The following PML variants were observed in gnomAD, a reference collection of about 807,000 sequenced individuals.
PML encodes the protein PML nuclear body scaffold.
A neutral mutation model predicts 65.2 loss-of-function variants in PML; 28 were observed. That is an observed-to-expected ratio of 0.43 (90% CI 0.32 to 0.59). The LOEUF (loss-of-function observed/expected upper bound fraction) is 0.59. Ranked by LOEUF, PML falls within the 20% of genes least tolerant of loss-of-function variation. The pLI, the probability that PML is intolerant of heterozygous loss-of-function variation, is 0.08. For missense variants in PML, 1,021 were observed against 1,203.4 expected (o/e 0.85, Z 2.24); for synonymous variants, 500 against 508.8 (o/e 0.98, Z 0.23).
chr15:74,044,106 A>G, intron 8 of PML, 115 bp from the exon 9 acceptor site: 1 of 976,628 alleles, frequency 1.0e-6, no homozygotes, highest in Non-Finnish European at 1.6e-6. Flanking sequence ...TACTGCCAGC[A>G]GACCCCAAGG....
At chr15:74,022,467 G>T (rs2070884010) in intron 2 of PML, among the ~76,000 whole-genome samples, 1 of 152,200 alleles carries the variant, frequency 6.6e-6, no homozygotes, top group African/African-American at 2.4e-5. Flanking sequence ...TCTGGCATTT[G>T]TGTAAGGCGG....
At chr15:74,022,717 A>T in intron 2 of PML, 111 bp from the exon 3 acceptor site, 1 of 887,498 alleles carries the variant, frequency 1.1e-6, no homozygotes, top group Non-Finnish European at 1.8e-6. Context: ...AAACCTAGAA[A>T]CATGCCATGA....
intron 4 of PML, chr15:74,031,397 C>G (rs1435313142): frequency 6.4e-6 from 2 of 310,700 alleles, no homozygotes; most frequent in African/African-American, 4.3e-5. Context: ...CCTCAGCCTC[C>G]CAAGTAGCTG....
intron 2 of PML, among the ~76,000 whole-genome samples, chr15:74,021,357 C>T (rs913347397): frequency 2.6e-5 from 4 of 152,140 alleles, no homozygotes; most frequent in Admixed American, 1.3e-4. Flanking sequence ...GAGGCTGGGG[C>T]GGGTGGATCA....
chr15:74,006,226 A>G (rs1240830057), intron 2 of PML, among the ~76,000 whole-genome samples: 1 of 152,006 alleles, frequency 6.6e-6, no homozygotes, highest in Non-Finnish European at 1.5e-5. Context: ...CCCCATCTCT[A>G]CCAAAAATAT....
intron 1 of PML, among the ~76,000 whole-genome samples, chr15:73,997,536 GTGTTGCTGTGGACAT>G (rs1737482391): frequency 6.6e-6 from 1 of 152,148 alleles, no homozygotes; most frequent in Non-Finnish European, 1.5e-5. Context: ...ATTGTGAATA[GTGTTGCTGTGGACAT>G]TGTTGTACAA....
chr15:74,033,664 C>T, intron 6 of PML: 1 of 666,002 alleles, frequency 1.5e-6, no homozygotes. Context: ...GTCCTTTCTC[C>T]CAAACACTAC....
In PML at chr15:74,043,076, C is replaced by G; in HGVS notation, c.1798C>G (p.Leu600Val). 1 of 1,613,456 alleles carries G rather than the reference C, an allele frequency of 6.2e-7. No homozygotes were observed. Among genetic ancestry groups the G allele is most frequent in the Non-Finnish European group, 8.5e-7 (1 of 1,179,914 alleles). Reference protein sequence around the residue: ...PSTLRVLDENLADPQAEDRPL... With the variant: ...PSTLRVLDENVADPQAEDRPL... The stretch of plus-strand genomic sequence containing the variant: ...CACCCTCAGGGTCCTGGACGAGAAC[C>G]TTGCTGACCCCCAAGCAGAAGACAG... The change falls in exon 8 of 9, where the codon CTT becomes GTT. Residue 600 changes from leucine (L) to valine (V), a missense_variant. Physicochemically the swap from Leu to Val is conservative, Grantham distance 32 (BLOSUM62 1). Coordinates refer to ENST00000268058, the MANE Select transcript of PML (RefSeq NM_033238.3). This position sits in a 1 kb window ranked among gnomAD's most constrained non-coding sequence, Gnocchi z 4.3.
rs774884695 is a variant in PML, at chr15:74,023,184, A to G, written c.959A>G (p.Asp320Gly). ...EEMASRLGRL[D>G]AVLQRIRTGS... ...ATGGCCAGTCGGCTGGGCCGCCTGG[A>G]TGCTGTGCTGCAGCGCATCCGCACG... The change falls in exon 3 of 9, where the codon GAT (aspartate) becomes GGT (glycine). Residue 320 changes from aspartate to glycine, a missense_variant. Physicochemically the swap from Asp to Gly is moderately conservative, Grantham distance 94 (BLOSUM62 -1). Transcript: ENST00000268058. 3.7e-6 allele frequency: 6 copies of G among 1,607,318 alleles called. No individual in the cohort carries two copies. In the Admixed American group the frequency reaches 5.0e-5, roughly 13 times the overall value.
chr15:74,021,966 C>CT (rs1215404175), intron 2 of PML, among the ~76,000 whole-genome samples: 23 of 151,680 alleles, frequency 1.5e-4, no homozygotes, highest in Middle Eastern at 3.4e-3. Context: ...TTATTTCTTT[C>CT]TTTTTTTTGA....
In PML at chr15:74,001,017, C is replaced by T. The variant is rs141230916; in HGVS notation, c.602+2541C>T. 3.3e-5 allele frequency among the ~76,000 whole-genome samples: 5 copies of T among 152,258 alleles called. No individual in the cohort carries two copies. In the East Asian group the frequency reaches 9.6e-4, roughly 29 times the overall value. ...GGAACTTTTCCCATTTTTGCCATGG[C>T]ATTAATCTGTTTTGGCTCTTGTGTC... On this transcript the variant is annotated intron_variant, in intron 2 of 8. Coordinates refer to ENST00000268058, the MANE Select transcript of PML (RefSeq NM_033238.3).
chr15:74,024,194 C>A (rs1400334790), intron 3 of PML, among the ~76,000 whole-genome samples: 2 of 152,024 alleles, frequency 1.3e-5, no homozygotes, highest in Non-Finnish European at 2.9e-5. Flanking sequence ...TATAGGATGC[C>A]CTTACTGGGA....
At chr15:73,995,145 G>C (rs1456779614) in intron 1 of PML, among the ~76,000 whole-genome samples, 1 of 152,250 alleles carries the variant, frequency 6.6e-6, no homozygotes, top group Admixed American at 6.5e-5. Context: ...GGACACGGAG[G>C]AGTTGGGGCG....
chr15:74,037,729 C>T lies in PML; in HGVS notation c.1710+3199C>T. ...TCGCCTGCTCGGATGCAGCTCTGGG[C>T]ACTCCTCCCTCTCCTCTGCAGGCTC... On this transcript the variant is annotated intron_variant, in intron 7 of 8. Coordinates refer to ENST00000268058, the MANE Select transcript of PML (RefSeq NM_033238.3). The surrounding 1 kb of genome is among the most constrained non-coding windows in gnomAD (Gnocchi z 4.2). 1.0e-6 allele frequency: 1 copy of T among 984,624 alleles called. No individual in the cohort carries two copies. The highest frequency in any genetic ancestry group is 1.2e-6 in the Non-Finnish European group (1 of 829,242). The allele number at this position is 984,624 out of a possible 1,614,324, so 61.0% of individuals were successfully genotyped here.
At chr15:74,002,687 C>T (rs964862486) in intron 2 of PML, among the ~76,000 whole-genome samples, 3 of 151,210 alleles carry the variant, frequency 2.0e-5, no homozygotes, top group Non-Finnish European at 4.4e-5. Flanking sequence ...ATCTCCTGAC[C>T]TTGTGATCCA....
At chr15:74,039,667 A>G (rs1078555) in intron 7 of PML, among the ~76,000 whole-genome samples, 44,347 of 152,058 alleles carry the variant, frequency 0.29, 6,680 homozygotes, top group Non-Finnish European at 0.31. Flanking sequence ...TTCTAATCGA[A>G]TCAGTCTTGG....
chr15:73,994,971 A>G (rs1307701902), intron 1 of PML, 30 bp downstream of exon 1: 3 of 1,506,558 alleles, frequency 2.0e-6, no homozygotes, highest in Non-Finnish European at 2.7e-6. Flanking sequence ...TGATGGGGTT[A>G]AGCTTTGTTG....
intron 2 of PML, among the ~76,000 whole-genome samples, chr15:74,003,424 C>G (rs1460744296): frequency 1.3e-5 from 2 of 152,050 alleles, no homozygotes; most frequent in African/African-American, 4.8e-5. Context: ...AAGAGTGAAA[C>G]TCCATCTCAG....
rs949200999 is a variant in PML, at chr15:74,042,733, T to C, written c.1711-256T>C. ...TTCCCACACATGCACGTTCACAACC[T>C]GTGTGTGTCACCCTTCCTCCCCTAC... On this transcript the variant is annotated intron_variant, in intron 7 of 8. Transcript: ENST00000268058. This position sits in a 1 kb window ranked among gnomAD's most constrained non-coding sequence, Gnocchi z 5.3. The C allele has an allele frequency of 7.1e-6, 7 of 985,282 alleles. No individual in the cohort carries two copies. The African/African-American group carries it at 1.2e-4, about 17-fold the overall frequency. 61.0% of individuals were successfully genotyped at this position (985,282 alleles called of 1,614,324 possible).
Sources: gnomAD v4.1 joint callset for allele counts (sites outside exome capture counted in the v4.1 genomes callset) on GRCh38, gnomAD v4.1.1 for gene constraint, Gnocchi (gnomAD v3.1) non-coding constraint, MANE v1.5 for transcripts, NCBI Gene and HGNC (gene_info 2026-07-23, HGNC 2026-07-21) for gene names.